SCGN: variants seen among roughly 807,000 people sequenced by gnomAD.
SCGN encodes the protein secretagogin, EF-hand calcium binding protein, also known as secretagogin.
Under a neutral mutation model 39.7 loss-of-function variants are expected in SCGN, and 30 were observed. That is an observed-to-expected ratio of 0.76 (90% CI 0.57 to 1.03). SCGN has a LOEUF of 1.03. Ranked by LOEUF, SCGN falls within the 50% of genes least tolerant of loss-of-function variation. The probability of loss-of-function intolerance (pLI) is 0.00; values close to 1 mark genes in which losing one functional copy is unlikely to be tolerated. For synonymous variants in SCGN, 106 were observed against 114.1 expected (o/e 0.93, Z 0.45); for missense variants, 353 against 349.4 (o/e 1.01, Z -0.08).
chr6:25,671,570 C>T (rs1051155707), intron 6 of SCGN, among the ~76,000 whole-genome samples: 10 of 152,174 alleles, frequency 6.6e-5, no homozygotes, highest in African/African-American at 2.2e-4. Context: ...CAGCTTCTTA[C>T]GGTGTTGATT....
rs1251013324 is a variant in SCGN, at chr6:25,701,219, G to A, written c.715G>A (p.Gly239Arg). ...TTGTCGCCCTCAGCCCAGCATCAGC[G>A]GGGTGGACCTTGATAAGTTCCGCGA... ...MMELVQPSIS[G>R]VDLDKFREIL... The change falls in exon 11 of 11, where the codon GGG becomes AGG. Residue 239 changes from glycine (G) to arginine (R), a missense_variant. Physicochemically the swap from Gly to Arg is moderately radical, Grantham distance 125. Transcript: ENST00000377961. 9.9e-6 allele frequency: 16 copies of A among 1,611,690 alleles called. No individual in the cohort carries two copies. The highest frequency in any genetic ancestry group is 1.3e-5 in the African/African-American group (1 of 74,826).
At chr6:25,669,692 C>T (rs1324395746) in intron 5 of SCGN, 125 bp downstream of exon 5, 12 of 755,054 alleles carry the variant, frequency 1.6e-5, no homozygotes, top group Non-Finnish European at 2.5e-5. Context: ...AAAATACATA[C>T]ATATGTACAT....
chr6:25,691,645 A>G (rs1759774814), intron 10 of SCGN, among the ~76,000 whole-genome samples: 1 of 152,238 alleles, frequency 6.6e-6, no homozygotes. Flanking sequence ...TATGTAGGAT[A>G]GACAAGGTTT....
chr6:25,700,269 GC>G (rs1285437602), intron 10 of SCGN, among the ~76,000 whole-genome samples: 1 of 147,640 alleles, frequency 6.8e-6, no homozygotes, highest in Non-Finnish European at 1.5e-5. Flanking sequence ...AAAATTTTGG[GC>G]CAGTAAACCA....
At chr6:25,699,187 T>G (rs1232587574) in intron 10 of SCGN, among the ~76,000 whole-genome samples, 2 of 152,352 alleles carry the variant, frequency 1.3e-5, no homozygotes, top group Non-Finnish European at 1.5e-5. Context: ...GAAATTTGAC[T>G]AAATTTGTTT....
At chr6:25,653,294 A>G in intron 1 of SCGN, 88 bp from the exon 2 acceptor site, 3 of 924,098 alleles carry the variant, frequency 3.2e-6, no homozygotes, top group Non-Finnish European at 5.0e-6. Flanking sequence ...AAGCTTTATG[A>G]ATTGTGAGAT....
Position 25,661,597 on chromosome 6 carries a change from A to G in SCGN, c.199A>G (p.Met67Val), listed in dbSNP as rs1760338693. ...TTTGCACAAGGTGAAACAGCAGTTT[A>G]TGACTACCCAAGATGCCTCTAAAGA... ...ANLHKVKQQF[M>V]TTQDASKDGR... The change falls in exon 3 of 11, where the codon ATG (methionine) becomes GTG (valine). Residue 67 changes from methionine (M) to valine (V), a missense_variant. Met to Val is a conservative substitution (Grantham distance 21). Transcript: ENST00000377961. 1.2e-6 allele frequency: 2 copies of G among 1,613,696 alleles called. No homozygotes were observed. The highest frequency in any genetic ancestry group is 1.3e-5 in the African/African-American group (1 of 74,924).
At chr6:25,686,576 C>T (rs1462886077) in intron 7 of SCGN, among the ~76,000 whole-genome samples, 2 of 152,082 alleles carry the variant, frequency 1.3e-5, no homozygotes, top group Non-Finnish European at 1.5e-5. Flanking sequence ...TATAAGAGTC[C>T]TGTATATATT....
At chr6:25,652,588 G>T in intron 1 of SCGN, 103 bp downstream of exon 1, 3 of 1,071,710 alleles carry the variant, frequency 2.8e-6, no homozygotes, top group Non-Finnish European at 2.8e-6. Context: ...AAAAGTTATC[G>T]ACCTGGGTTG....
intron 7 of SCGN, among the ~76,000 whole-genome samples, chr6:25,687,181 T>C (rs1349649710): frequency 6.6e-6 from 1 of 152,180 alleles, no homozygotes; most frequent in Non-Finnish European, 1.5e-5. Context: ...TTCATTTGCA[T>C]ATTCACATTA....
intron 7 of SCGN, among the ~76,000 whole-genome samples, chr6:25,685,189 C>T (rs138625747): frequency 2.0e-5 from 3 of 152,028 alleles, no homozygotes; most frequent in Non-Finnish European, 2.9e-5. Context: ...CCAGTGAGAT[C>T]GATTTCAGAC....
intron 2 of SCGN, among the ~76,000 whole-genome samples, chr6:25,661,223 TAC>T (rs1287340452): frequency 1.3e-5 from 2 of 152,226 alleles, no homozygotes; most frequent in Admixed American, 6.5e-5. Flanking sequence ...GTAATTACAA[TAC>T]AGTCTTTTGT....
rs1007648507 is a variant in SCGN at position 25,681,799 on chromosome 6, C to T, written c.472-152C>T. ...CAGAGAGGCTGACATGCAATTCCTT[C>T]TGTGACAAATACTAATTTTCCCCCA... On this transcript the variant is annotated intron_variant, in intron 6 of 10. Coordinates refer to ENST00000377961, the MANE Select transcript of SCGN (RefSeq NM_006998.4). 22 of 655,600 alleles carry T rather than the reference C, an allele frequency of 3.4e-5. No individual in the cohort carries two copies. In the African/African-American group the frequency reaches 3.6e-4, roughly 11 times the overall value. 40.6% of individuals were successfully genotyped at this position (655,600 alleles called of 1,614,324 possible). A position where few individuals can be genotyped will look rare whatever the true frequency, so the allele number is the denominator to read the frequency against.
intron 6 of SCGN, among the ~76,000 whole-genome samples, chr6:25,672,366 A>G (rs1013782028): frequency 2.6e-5 from 4 of 152,184 alleles, no homozygotes; most frequent in African/African-American, 4.8e-5. Flanking sequence ...TGCATAACAG[A>G]GGGTGATGAG....
At chr6:25,658,003 C>CTTTTTTTTTTTTTTTT (rs759915721) in intron 2 of SCGN, among the ~76,000 whole-genome samples, 1 of 70,382 alleles carries the variant, frequency 1.4e-5, no homozygotes, top group Non-Finnish European at 2.7e-5. Flanking sequence ...GAAAGGTATC[C>CTTTTTTTTTTTTTTTT]TTTTTTTTTT....
At chr6:25,701,080 C>T in intron 10 of SCGN, 127 bp from the exon 11 acceptor site, 1 of 982,442 alleles carries the variant, frequency 1.0e-6, no homozygotes, top group Non-Finnish European at 1.4e-6. Flanking sequence ...TAGACTCATT[C>T]CCTCACTCCC....
chr6:25,701,178 T>G, intron 10 of SCGN, 29 bp from the exon 11 acceptor site: 1 of 1,595,136 alleles, frequency 6.3e-7, no homozygotes, highest in Non-Finnish European at 8.5e-7. Context: ...TTGGCTTGCC[T>G]GTTAACATGT....
intron 1 of SCGN, 47 bp from the exon 2 acceptor site, chr6:25,653,335 T>C (rs766008691): frequency 1.4e-5 from 17 of 1,203,574 alleles, no homozygotes; most frequent in Admixed American, 1.3e-4. Flanking sequence ...TACTGTCATG[T>C]GTTTTTTATA....
intron 10 of SCGN, among the ~76,000 whole-genome samples, chr6:25,694,997 C>G (rs924677296): frequency 2.0e-5 from 3 of 152,186 alleles, no homozygotes; most frequent in African/African-American, 4.8e-5. Context: ...GTTACAAAGT[C>G]TGGGTCAGGG....
Sources: allele counts gnomAD v4.1 joint callset (sites outside exome capture counted in the v4.1 genomes callset), GRCh38; gene constraint gnomAD v4.1.1; transcripts MANE v1.5; gene names NCBI Gene and HGNC (gene_info 2026-07-23, HGNC 2026-07-21).